Variants in SYT14 observed in about 807,000 individuals in gnomAD.
SYT14 encodes synaptotagmin 14.
A neutral mutation model predicts 74.2 loss-of-function variants in SYT14; 32 were observed. The observed-to-expected ratio is 0.43, with a 90% CI of 0.33 to 0.58. The LOEUF (loss-of-function observed/expected upper bound fraction) is 0.58. Ranked by LOEUF, SYT14 falls within the 20% of genes least tolerant of loss-of-function variation. The pLI, the probability that SYT14 is intolerant of heterozygous loss-of-function variation, is 0.05. For synonymous variants in SYT14, 298 were observed against 337.7 expected (o/e 0.88, Z 1.29); for missense variants, 791 against 981.8 (o/e 0.81, Z 2.60).
At chr1:210,066,315 A>G (rs2081295645) in intron 5 of SYT14, among the ~76,000 whole-genome samples, 1 of 151,938 alleles carries the variant, frequency 6.6e-6, no homozygotes, top group South Asian at 2.1e-4. Flanking sequence ...GACTTCCACA[A>G]TGGTTGAACT....
chr1:209,980,075 A>G (rs1474550240), intron 2 of SYT14, among the ~76,000 whole-genome samples: 1 of 152,152 alleles, frequency 6.6e-6, no homozygotes, highest in Admixed American at 6.5e-5. Context: ...ATTTTTACCA[A>G]CAGTGTAAAA....
At chr1:209,997,085 T>C (rs897964662) in intron 2 of SYT14, among the ~76,000 whole-genome samples, 1 of 152,040 alleles carries the variant, frequency 6.6e-6, no homozygotes, top group Non-Finnish European at 1.5e-5. Context: ...AACACTCTTC[T>C]TCAACACAGA....
At chr1:209,984,172 A>G (rs2079534868) in intron 2 of SYT14, among the ~76,000 whole-genome samples, 1 of 152,192 alleles carries the variant, frequency 6.6e-6, no homozygotes, top group African/African-American at 2.4e-5. Context: ...CACAACCGCC[A>G]ATTTTTGGAA....
intron 5 of SYT14, among the ~76,000 whole-genome samples, chr1:210,066,736 C>A (rs1352019268): frequency 6.6e-6 from 1 of 152,042 alleles, no homozygotes; most frequent in Non-Finnish European, 1.5e-5. Context: ...TTAATTAGAT[C>A]CCATTTGTCA....
chr1:210,069,795 CT>C (rs529714178), intron 5 of SYT14, among the ~76,000 whole-genome samples: 1 of 151,188 alleles, frequency 6.6e-6, no homozygotes. Flanking sequence ...TTTTTCTATG[CT>C]TTTTTTTCTC....
At chr1:210,130,675 T>G (rs1385858643) in intron 7 of SYT14, among the ~76,000 whole-genome samples, 1 of 152,242 alleles carries the variant, frequency 6.6e-6, no homozygotes, top group East Asian at 1.9e-4. Flanking sequence ...TTAAAAGATT[T>G]GTTCCAAAAT....
chr1:210,163,327 A>G (rs371202982), exon 10 of SYT14: 33 of 453,762 alleles, frequency 7.3e-5, no homozygotes, highest in African/African-American at 6.0e-4. Context: ...TTTATCTGGC[A>G]TAAGTATCAA....
chr1:209,994,929 T>G (rs2079761285), intron 2 of SYT14, among the ~76,000 whole-genome samples: 1 of 152,180 alleles, frequency 6.6e-6, no homozygotes, highest in Admixed American at 6.5e-5. Context: ...CTTCATCAGA[T>G]TTTAAGCAAA....
At chr1:210,042,785 C>CATG (rs988296051) in intron 5 of SYT14, among the ~76,000 whole-genome samples, 14 of 152,120 alleles carry the variant, frequency 9.2e-5, no homozygotes, top group Non-Finnish European at 1.8e-4. Context: ...AGTCAGGTAG[C>CATG]ATGATGCCTC....
intron 5 of SYT14, among the ~76,000 whole-genome samples, chr1:210,075,104 G>T (rs1396530322): frequency 2.6e-5 from 4 of 152,134 alleles, no homozygotes; most frequent in Admixed American, 2.6e-4. Flanking sequence ...ACCGCTCAGC[G>T]GCCCGGGCTC....
chr1:209,973,028 G>A, intron 2 of SYT14, among the ~76,000 whole-genome samples: 1 of 152,174 alleles, frequency 6.6e-6, no homozygotes, highest in East Asian at 1.9e-4. Flanking sequence ...GAGTGCCTCA[G>A]TGTTGGGTGT....
At chr1:209,977,098 G>A (rs1178954525) in intron 2 of SYT14, among the ~76,000 whole-genome samples, 1 of 152,068 alleles carries the variant, frequency 6.6e-6, no homozygotes, top group Non-Finnish European at 1.5e-5. Context: ...GCCTATGTGT[G>A]TCTCTGCACG....
chr1:209,990,561 G>A (rs201045107), intron 2 of SYT14, among the ~76,000 whole-genome samples: 136 of 25,724 alleles, frequency 5.3e-3, no homozygotes, highest in Non-Finnish European at 9.6e-3. Flanking sequence ...ATATATATAC[G>A]TATATATATG....
chr1:210,022,504 A>G (rs1216687565), intron 5 of SYT14, among the ~76,000 whole-genome samples: 1 of 152,256 alleles, frequency 6.6e-6, no homozygotes. Flanking sequence ...CCCCTGGTAC[A>G]TGAATAGTAG....
At chr1:210,045,751 A>T (rs1392506010) in intron 5 of SYT14, among the ~76,000 whole-genome samples, 1 of 152,172 alleles carries the variant, frequency 6.6e-6, no homozygotes, top group Non-Finnish European at 1.5e-5. Context: ...TAAATGAGTA[A>T]AATCATGTTA....
intron 5 of SYT14, among the ~76,000 whole-genome samples, chr1:210,067,443 G>C (rs913410714): frequency 1.3e-5 from 2 of 151,914 alleles, no homozygotes; most frequent in African/African-American, 4.8e-5. Context: ...TGTTTGTCCA[G>C]TTATTCAAGT....
At chr1:209,997,014 G>T (rs887554773) in intron 2 of SYT14, among the ~76,000 whole-genome samples, 9 of 151,992 alleles carry the variant, frequency 5.9e-5, no homozygotes, top group African/African-American at 1.9e-4. Context: ...ATCATACTGA[G>T]TGGGCAAAAG....
intron 2 of SYT14, among the ~76,000 whole-genome samples, chr1:209,988,517 T>C (rs1345661530): frequency 1.3e-5 from 2 of 152,196 alleles, no homozygotes; most frequent in Non-Finnish European, 2.9e-5. Context: ...AAGTTTCCCT[T>C]GTTGAGTGTT....
At chr1:210,077,120 C>T (rs1368170947) in intron 5 of SYT14, among the ~76,000 whole-genome samples, 1 of 151,878 alleles carries the variant, frequency 6.6e-6, no homozygotes, top group East Asian at 1.9e-4. Flanking sequence ...TTCTGCAGTT[C>T]CAATAAGCAT....
Sources: gnomAD v4.1 joint callset for allele counts (sites outside exome capture counted in the v4.1 genomes callset) on GRCh38, gnomAD v4.1.1 for gene constraint, MANE v1.5 for transcripts, NCBI Gene and HGNC (gene_info 2026-07-23, HGNC 2026-07-21) for gene names.